The following SLC9A9 variants were observed in gnomAD, a reference collection of about 807,000 sequenced individuals.
SLC9A9 encodes solute carrier family 9 member A9.
A neutral mutation model predicts 77.8 loss-of-function variants in SLC9A9; 62 were observed. The observed-to-expected ratio is 0.80, with a 90% confidence interval of 0.65 to 0.98. SLC9A9 has a LOEUF of 0.98. SLC9A9 is among the 50% of genes least tolerant of loss of function. SLC9A9 has a pLI of 0.00. For synonymous variants in SLC9A9, 320 were observed against 283.5 expected (o/e 1.13, Z -1.29); for missense variants, 775 against 774.9 (o/e 1.00, Z 0.00).
chr3:143,698,474 G>A (rs1042524156), intron 4 of SLC9A9, among the ~76,000 whole-genome samples: 1 of 152,082 alleles, frequency 6.6e-6, no homozygotes, highest in Non-Finnish European at 1.5e-5. Flanking sequence ...TGCATAAAAG[G>A]GGATTTGGGA....
intron 1 of SLC9A9, among the ~76,000 whole-genome samples, chr3:143,844,937 C>T (rs140941215): frequency 1.3e-5 from 2 of 152,026 alleles, no homozygotes; most frequent in Non-Finnish European, 1.5e-5. Context: ...CTTGCAAAAG[C>T]TAAGAGTTTA....
intron 5 of SLC9A9, among the ~76,000 whole-genome samples, chr3:143,664,544 A>G (rs1576643786): frequency 6.6e-6 from 1 of 152,344 alleles, no homozygotes; most frequent in East Asian, 1.9e-4. Flanking sequence ...CAAATTGGAT[A>G]AAGAGTCAAG....
intron 12 of SLC9A9, among the ~76,000 whole-genome samples, chr3:143,427,540 AAC>A (rs1262645411): frequency 6.6e-6 from 1 of 152,232 alleles, no homozygotes; most frequent in Non-Finnish European, 1.5e-5. Flanking sequence ...AAAGATTTTG[AAC>A]AAGGACAAGC....
chr3:143,688,923 G>A (rs372263789), intron 5 of SLC9A9, among the ~76,000 whole-genome samples: 3 of 139,818 alleles, frequency 2.1e-5, no homozygotes, highest in African/African-American at 7.8e-5. Flanking sequence ...CTGGAAAAGG[G>A]TATCTTATAA....
chr3:143,326,393 C>G (rs1228184117), intron 14 of SLC9A9, among the ~76,000 whole-genome samples: 2 of 152,204 alleles, frequency 1.3e-5, no homozygotes, highest in Non-Finnish European at 2.9e-5. Flanking sequence ...TTAACTTTGC[C>G]TGCCGGCCCT....
At chr3:143,295,809 G>A (rs2030239915) in intron 14 of SLC9A9, among the ~76,000 whole-genome samples, 1 of 151,818 alleles carries the variant, frequency 6.6e-6, no homozygotes, top group African/African-American at 2.4e-5. Flanking sequence ...TAATTACATG[G>A]CAACATCTTT....
chr3:143,770,653 G>A (rs2007485667), intron 4 of SLC9A9, among the ~76,000 whole-genome samples: 1 of 152,034 alleles, frequency 6.6e-6, no homozygotes, highest in African/African-American at 2.4e-5. Context: ...ATTCAGACTG[G>A]GAGAAGCCTT....
intron 4 of SLC9A9, among the ~76,000 whole-genome samples, chr3:143,775,951 C>A (rs116447371): frequency 1.4e-3 from 207 of 152,284 alleles, no homozygotes; most frequent in African/African-American, 4.8e-3. Context: ...TTCAACTCTA[C>A]GTGGGTGTTA....
rs919825277 is a variant in SLC9A9, at chr3:143,562,617, T to C, written c.1001-10167A>G. On this transcript the variant is annotated intron_variant, in intron 8 of 15. Coordinates refer to ENST00000316549, the MANE Select transcript of SLC9A9 (RefSeq NM_173653.4). ...TTTATCTTGCATGTTTTGTTAGGCC[T>C]AGTATACATAAAATTAGAAATATAA... 4.6e-5 allele frequency among the ~76,000 whole-genome samples: 7 copies of C among 151,626 alleles called. No individual in the cohort carries two copies. The East Asian group carries it at 1.3e-3, about 29-fold the overall frequency.
At chr3:143,335,547 G>T (rs1321705188) in intron 14 of SLC9A9, among the ~76,000 whole-genome samples, 1 of 152,156 alleles carries the variant, frequency 6.6e-6, no homozygotes, top group Non-Finnish European at 1.5e-5. Context: ...ATTCAAAACT[G>T]TGTGGTACTG....
At chr3:143,446,189 C>T (rs1368972531) in intron 12 of SLC9A9, among the ~76,000 whole-genome samples, 1 of 151,810 alleles carries the variant, frequency 6.6e-6, no homozygotes, top group African/African-American at 2.4e-5. Context: ...TAATGTCTTC[C>T]AATAAGTAGA....
At chr3:143,832,581 G>A (rs2009464507) in intron 1 of SLC9A9, among the ~76,000 whole-genome samples, 1 of 152,082 alleles carries the variant, frequency 6.6e-6, no homozygotes, top group Non-Finnish European at 1.5e-5. Context: ...GAATTCCCCT[G>A]GGAGTGTTTC....
At chr3:143,443,377 G>A (rs778809289) in intron 12 of SLC9A9, among the ~76,000 whole-genome samples, 7 of 151,864 alleles carry the variant, frequency 4.6e-5, no homozygotes, top group South Asian at 2.1e-4. Context: ...GTTTTAAGAC[G>A]TAATCTCATT....
intron 5 of SLC9A9, among the ~76,000 whole-genome samples, chr3:143,690,318 T>A (rs1425922839): frequency 1.3e-5 from 2 of 152,122 alleles, no homozygotes; most frequent in Admixed American, 1.3e-4. Flanking sequence ...AAATTTTAAC[T>A]GAAAATATTA....
chr3:143,450,301 A>G (rs2034982697), intron 12 of SLC9A9, among the ~76,000 whole-genome samples: 1 of 147,666 alleles, frequency 6.8e-6, no homozygotes, highest in Non-Finnish European at 1.5e-5. Flanking sequence ...ACAAATTTAA[A>G]TAAATAATTT....
At chr3:143,448,636 T>C (rs2034891204) in intron 12 of SLC9A9, among the ~76,000 whole-genome samples, 2 of 151,676 alleles carry the variant, frequency 1.3e-5, no homozygotes, top group South Asian at 4.1e-4. Context: ...GCAAAATGTA[T>C]TTTGAACTTT....
At chr3:143,267,333 C>G (rs991505457) in intron 15 of SLC9A9, among the ~76,000 whole-genome samples, 2 of 145,960 alleles carry the variant, frequency 1.4e-5, no homozygotes, top group Non-Finnish European at 3.0e-5. Context: ...CCTTGAAACA[C>G]AGTTATTGCT....
At position 143,668,189 on chromosome 3, in the gene SLC9A9, G is replaced by T. The variant is rs569957464; in HGVS notation, c.650-15829C>A. Among the ~76,000 whole-genome samples, 199 of 152,112 alleles carry T rather than the reference G, an allele frequency of 1.3e-3. 1 individual carries two copies. The highest frequency in any genetic ancestry group is 4.6e-3 in the African/African-American group (190 of 41,506). ...AGTTCATGTCCTTTGTAGGGACATG[G>T]ATGAAGCTGGAAACCATCATTCTCA... On this transcript the variant is annotated intron_variant, in intron 5 of 15. Transcript: ENST00000316549.
intron 9 of SLC9A9, among the ~76,000 whole-genome samples, chr3:143,537,370 G>A (rs185940663): frequency 2.8e-4 from 43 of 152,322 alleles, no homozygotes; most frequent in African/African-American, 1.0e-3. Context: ...TGTTGTCAGA[G>A]CCTGGAGCTG....
Sources: gnomAD v4.1 joint callset for allele counts (sites outside exome capture counted in the v4.1 genomes callset) on GRCh38, gnomAD v4.1.1 for gene constraint, MANE v1.5 for transcripts, NCBI Gene and HGNC (gene_info 2026-07-23, HGNC 2026-07-21) for gene names.